The following INPP5A variants were observed in gnomAD, a reference collection of about 807,000 sequenced individuals.
INPP5A encodes the protein 43 kDa inositol polyphosphate 5-phophatase.
In INPP5A, 14 loss-of-function variants were observed where a neutral mutation model predicts 65.2. The ratio of observed to expected loss-of-function variants is 0.21; its 90% CI spans 0.14 to 0.34. The LOEUF is 0.34. Ranked by LOEUF, INPP5A falls within the 10% of genes least tolerant of loss-of-function variation. The pLI is 1.00. For missense variants in INPP5A, 431 were observed against 545.6 expected, an observed-to-expected ratio of 0.79 and a Z score of 2.09; for synonymous variants, 207 against 208.3, an observed-to-expected ratio of 0.99 and a Z score of 0.05.
In INPP5A at chr10:132,550,251, G is replaced by T. The variant is rs2071032977; in HGVS notation, c.75+12080G>T. Among the ~76,000 whole-genome samples the T allele has an allele frequency of 1.3e-5, 2 of 152,196 alleles. No individual in the cohort carries two copies. The highest frequency in any genetic ancestry group is 4.1e-4 in the South Asian group (2 of 4,836). On this transcript the variant is annotated intron_variant, in intron 1 of 15. Transcript: ENST00000368594. This position sits in a 1 kb window ranked among gnomAD's most constrained non-coding sequence, Gnocchi z 4.2. ...TGTTTAGGGTCAGAGTGGTCCCGCA[G>T]GTTAATTCACTTCACCCAGCCTCTC... is the stretch of plus-strand genomic sequence containing the variant.
chr10:132,586,305 C>T (rs954870301), intron 1 of INPP5A, among the ~76,000 whole-genome samples: 31 of 152,224 alleles, frequency 2.0e-4, no homozygotes, highest in Non-Finnish European at 4.4e-5. Flanking sequence ...GAAGCCAGCA[C>T]CCTCCAGGAC....
rs764287545 is a variant in INPP5A at position 132,753,303 on chromosome 10, C to T, written c.903+3458C>T. Among the ~76,000 whole-genome samples the T allele has an allele frequency of 3.3e-5, 5 of 152,168 alleles. No homozygotes were observed. The highest frequency in any genetic ancestry group is 7.3e-5 in the Non-Finnish European group (5 of 68,028). ...CATCTCCACGGTCCGGTTAAACACA[C>T]AGCACCGCAGCCATGGAGAGCAAAC... On this transcript the variant is annotated intron_variant, in intron 11 of 15. Coordinates refer to ENST00000368594, the MANE Select transcript of INPP5A (RefSeq NM_005539.5). The surrounding 1 kb of genome is among the most constrained non-coding windows in gnomAD (Gnocchi z 5.3).
rs1388901771 is a variant in INPP5A at position 132,651,947 on chromosome 10, C to T, written c.306+1442C>T. 4.6e-5 allele frequency among the ~76,000 whole-genome samples: 7 copies of T among 152,288 alleles called. No individual in the cohort carries two copies. Among genetic ancestry groups the T allele is most frequent in the Admixed American group, 6.5e-5 (1 of 15,306 alleles). On this transcript the variant is annotated intron_variant, in intron 4 of 15. Coordinates refer to ENST00000368594, the MANE Select transcript of INPP5A (RefSeq NM_005539.5). This position sits in a 1 kb window ranked among gnomAD's most constrained non-coding sequence, Gnocchi z 5.0. ...CGCTCTGTGGGGCACACGGGGACCA[C>T]GGGGCCCCCACTCACACCAGAGCCA...
intron 1 of INPP5A, among the ~76,000 whole-genome samples, chr10:132,558,811 A>G (rs73395356): frequency 0.029 from 4,344 of 152,278 alleles, 81 homozygotes; most frequent in African/African-American, 0.05. Flanking sequence ...GTGGCTTTTG[A>G]AGCCGGCAGT....
intron 1 of INPP5A, among the ~76,000 whole-genome samples, chr10:132,569,482 G>C (rs893562064): frequency 6.6e-6 from 1 of 152,054 alleles, no homozygotes; most frequent in African/African-American, 2.4e-5. Flanking sequence ...TCAGCCCCCT[G>C]AGTAGCTGGG....
chr10:132,609,885 G>C (rs1321478656), intron 2 of INPP5A, among the ~76,000 whole-genome samples: 1 of 152,206 alleles, frequency 6.6e-6, no homozygotes, highest in Non-Finnish European at 1.5e-5. Context: ...CAGCTGATCT[G>C]CCTGCCTTGG....
chr10:132,629,828 A>T (rs1354120493), intron 2 of INPP5A, among the ~76,000 whole-genome samples: 1 of 151,566 alleles, frequency 6.6e-6, no homozygotes, highest in Non-Finnish European at 1.5e-5. Flanking sequence ...TCCATGAGGG[A>T]GGGGTGTCCA....
intron 4 of INPP5A, among the ~76,000 whole-genome samples, chr10:132,669,342 C>A (rs905166165): frequency 3.3e-5 from 5 of 152,192 alleles, no homozygotes; most frequent in African/African-American, 4.8e-5. Context: ...CCGGGCCAGG[C>A]CTTCCCTGTG....
chr10:132,756,484 G>T (rs2134656307), intron 11 of INPP5A, among the ~76,000 whole-genome samples: 2 of 152,328 alleles, frequency 1.3e-5, no homozygotes, highest in South Asian at 4.1e-4. Flanking sequence ...TGTGACTAAG[G>T]TTTGATAATC....
In INPP5A at chr10:132,708,363, C is replaced by G. The variant is rs368149106; in HGVS notation, c.525C>G (p.Asp175Glu). Residue 175 changes from aspartate (D) to glutamate (E), a missense_variant and splice_region_variant, in exon 7 of 16, where the codon GAC (aspartate) becomes GAG (glutamate). By Grantham distance (45) the Asp-to-Glu change is conservative. Coordinates refer to ENST00000368594, the MANE Select transcript of INPP5A (RefSeq NM_005539.5). ...GFIRTRWCIA[D>E]CAFDLVNIHL... Reference sequence around the variant, plus strand: ...TCCGGACGAGGTGGTGCATTGCAGACTGGTACGTGGTGTCTGTGCTTTGTC... The same window carrying G: ...TCCGGACGAGGTGGTGCATTGCAGAGTGGTACGTGGTGTCTGTGCTTTGTC... 1 of 1,613,794 alleles carries G rather than the reference C, an allele frequency of 6.2e-7. No homozygotes were observed. Among genetic ancestry groups the G allele is most frequent in the South Asian group, 1.1e-5 (1 of 91,074 alleles).
At chr10:132,597,033 A>ATGTGTATGCATGCATG (rs1241293578) in intron 1 of INPP5A, among the ~76,000 whole-genome samples, 3 of 129,652 alleles carry the variant, frequency 2.3e-5, no homozygotes, top group African/African-American at 9.3e-5. Flanking sequence ...GCATGTGTGC[A>ATGTGTATGCATGCATG]TGTGTATGCA....
intron 9 of INPP5A, among the ~76,000 whole-genome samples, chr10:132,731,188 C>A (rs1846078217): frequency 6.6e-6 from 1 of 152,218 alleles, no homozygotes; most frequent in African/African-American, 2.4e-5. Flanking sequence ...GGGTTCCCCC[C>A]GGTGAGAGGT....
chr10:132,589,326 C>T (rs1288242524), intron 1 of INPP5A, among the ~76,000 whole-genome samples: 1 of 152,238 alleles, frequency 6.6e-6, no homozygotes, highest in Non-Finnish European at 1.5e-5. Context: ...TGCCTTCCCA[C>T]TAGGCTTGCT....
intron 2 of INPP5A, among the ~76,000 whole-genome samples, chr10:132,614,968 C>T (rs569920524): frequency 6.6e-6 from 1 of 152,344 alleles, no homozygotes; most frequent in African/African-American, 2.4e-5. Flanking sequence ...GCGTAGGCCC[C>T]GCAGGCTGCG....
At chr10:132,711,808 G>C (rs1389943322) in intron 8 of INPP5A, among the ~76,000 whole-genome samples, 1 of 152,246 alleles carries the variant, frequency 6.6e-6, no homozygotes, top group Admixed American at 6.5e-5. Flanking sequence ...AGTCACAACT[G>C]CCTGGGGCTG....
At chr10:132,755,657 T>C (rs1456996744) in intron 11 of INPP5A, among the ~76,000 whole-genome samples, 2 of 151,816 alleles carry the variant, frequency 1.3e-5, no homozygotes, top group African/African-American at 4.8e-5. Flanking sequence ...TGCATGAGCG[T>C]GAGCAGGTGT....
chr10:132,602,590 C>T (rs534155807), intron 1 of INPP5A, among the ~76,000 whole-genome samples: 183 of 152,292 alleles, frequency 1.2e-3, no homozygotes, highest in African/African-American at 3.8e-3. Context: ...CCACTGCGCC[C>T]GGCCTTATTT....
rs184827673 is a variant in INPP5A at position 132,592,358 on chromosome 10, T to C, written c.76-15557T>C. 8.7e-4 allele frequency among the ~76,000 whole-genome samples: 133 copies of C among 152,296 alleles called. 1 individual carries two copies. The highest frequency in any genetic ancestry group is 2.7e-3 in the Admixed American group (41 of 15,302). On this transcript the variant is annotated intron_variant, in intron 1 of 15. Coordinates refer to ENST00000368594, the MANE Select transcript of INPP5A (RefSeq NM_005539.5). ...ATTCGGGGAAAGGTTTAAATTGGGGTCTTACTATAGACATTATACCAAAAC... is the reference window on the plus strand; with the variant it reads ...ATTCGGGGAAAGGTTTAAATTGGGGCCTTACTATAGACATTATACCAAAAC...
chr10:132,587,657 G>C lies in INPP5A; in HGVS notation c.76-20258G>C, dbSNP rs1250797048. Among the ~76,000 whole-genome samples the C allele has an allele frequency of 6.6e-6, 1 of 152,208 alleles. No individual in the cohort carries two copies. Among genetic ancestry groups the C allele is most frequent in the Non-Finnish European group, 1.5e-5 (1 of 68,028 alleles). ...AGGATTCCGTTCAGAAACGGGGCCT[G>C]TAGATAATTGCGTTTTGTGTATGCC... On this transcript the variant is annotated intron_variant, in intron 1 of 15. Transcript: ENST00000368594. This position sits in a 1 kb window ranked among gnomAD's most constrained non-coding sequence, Gnocchi z 4.3.
Sources: allele counts gnomAD v4.1 joint callset (sites outside exome capture counted in the v4.1 genomes callset), GRCh38; gene constraint gnomAD v4.1.1; non-coding constraint Gnocchi (gnomAD v3.1); transcripts MANE v1.5; gene names NCBI Gene and HGNC (gene_info 2026-07-23, HGNC 2026-07-21).